Variants in HUWE1 observed in about 807,000 individuals in gnomAD.
The protein encoded by HUWE1 is E3 ubiquitin-protein ligase HUWE1.
HUWE1 carries 18 observed loss-of-function variants against 299.4 expected under a neutral mutation model. The ratio of observed to expected loss-of-function variants is 0.06; its 90% CI spans 0.04 to 0.09. The LOEUF is 0.09. Among genes scored for constraint, HUWE1 ranks in the 10% least tolerant of loss-of-function variants. The pLI, the probability that HUWE1 is intolerant of heterozygous loss-of-function variation, is 1.00. For synonymous variants in HUWE1, 1,317 were observed against 1,286.1 expected (o/e 1.02, Z -0.51); for missense variants, 1,832 against 3,462.3 (o/e 0.53, Z 11.82).
At chrX:53,543,789 G>T in intron 73 of HUWE1, 52 bp downstream of exon 73, 2 of 1,209,152 alleles carry the variant, frequency 1.7e-6, no homozygotes, top group Non-Finnish European at 2.2e-6. Context: ...TGACATGGTG[G>T]GGGGATGAGT....
chrX:53,603,181 C>T (rs1306091219), intron 27 of HUWE1, among the ~76,000 whole-genome samples, 187 bp downstream of exon 27: 1 of 111,439 alleles, frequency 9.0e-6, no homozygotes, highest in African/African-American at 3.3e-5. Context: ...TGGCTAATAA[C>T]AGGAACACAT....
At position 53,591,136 on chromosome X, in the gene HUWE1, G is replaced by C. The variant is rs781900306; in HGVS notation, c.3973-14C>G. ...CATGTCCATGAGCTACATAAAGAAT[G>C]CAAGGGCTCAGAATCACATAACGGA... On this transcript the variant is annotated splice_polypyrimidine_tract_variant and intron_variant, in intron 33 of 83. Coordinates refer to ENST00000262854, the MANE Select transcript of HUWE1 (RefSeq NM_031407.7). 5.8e-6 allele frequency: 7 copies of C among 1,207,445 alleles called. No homozygotes were observed. Among genetic ancestry groups the C allele is most frequent in the Admixed American group, 2.2e-5 (1 of 45,917 alleles).
At chrX:53,558,617 A>G (rs918751788) in intron 59 of HUWE1, 38 bp downstream of exon 59, 2 of 1,180,187 alleles carry the variant, frequency 1.7e-6, no homozygotes, top group African/African-American at 3.5e-5. Context: ...TACGGCAGAC[A>G]CAGTCAAAGA....
Position 53,569,604 on chromosome X carries a change from T to C in HUWE1, c.6524+12A>G, listed in dbSNP as rs782325559. 2 of 1,198,058 alleles carry C rather than the reference T, an allele frequency of 1.7e-6. No individual in the cohort carries two copies. The highest frequency in any genetic ancestry group is 3.5e-5 in the African/African-American group (2 of 57,041). ...TCTTGGCTATTAGCCCTGGGACAGGTATGAATCTTACCTGGCATGTTTCTC... is the reference window on the plus strand; with the variant it reads ...TCTTGGCTATTAGCCCTGGGACAGGCATGAATCTTACCTGGCATGTTTCTC... On this transcript the variant is annotated intron_variant, in intron 48 of 83. Transcript: ENST00000262854.
chrX:53,623,857 C>T (rs1557014485), intron 19 of HUWE1, among the ~76,000 whole-genome samples: 1 of 111,908 alleles, frequency 8.9e-6, no homozygotes, highest in Non-Finnish European at 1.9e-5. Flanking sequence ...ACTAGTCTCC[C>T]CAACACCCCA....
At chrX:53,539,124 C>T (rs370052119) in intron 75 of HUWE1, 44 bp from the exon 76 acceptor site, 28 of 1,162,122 alleles carry the variant, frequency 2.4e-5, no homozygotes, top group African/African-American at 1.4e-4. Flanking sequence ...ACTCTGCAAA[C>T]TTCAACATGC....
At position 53,560,355 on chromosome X, in the gene HUWE1, T is replaced by A. The variant is rs1556939833; in HGVS notation, c.7569A>T (p.Ala2523=). 1 of 1,211,791 alleles carries A rather than the reference T, an allele frequency of 8.3e-7. No individual in the cohort carries two copies. Among genetic ancestry groups the A allele is most frequent in the Admixed American group, 2.2e-5 (1 of 46,041 alleles). Residue 2523 remains alanine (A), a synonymous_variant, in exon 56 of 84, where the codon GCA becomes GCT. Transcript: ENST00000262854. Reference sequence around the variant, plus strand: ...TGCCCAGTGTCAGAGAACTGTGGTCTGCATGGCGCACCATCAGTGGATGGG... The same window carrying A: ...TGCCCAGTGTCAGAGAACTGTGGTCAGCATGGCGCACCATCAGTGGATGGG... ...PTTHPLMVRH[A]DHSSLTLGSG...
chrX:53,674,649 TTC>T (rs1557050517), intron 3 of HUWE1, among the ~76,000 whole-genome samples: 2 of 112,091 alleles, frequency 1.8e-5, no homozygotes, highest in African/African-American at 6.5e-5. Context: ...CTCTGTGACA[TTC>T]TCTGATGCCT....
At position 53,593,387 on chromosome X, in the gene HUWE1, G is replaced by GAGCCAACTT; in HGVS notation, c.3717_3718insAAGTTGGCT (p.Leu1239_Arg1240insLysLeuAla). The GAGCCAACTT allele has an allele frequency of 8.4e-7, 1 of 1,197,406 alleles. No homozygotes were observed. Among genetic ancestry groups the GAGCCAACTT allele is most frequent in the Non-Finnish European group, 1.1e-6 (1 of 882,605 alleles). On this transcript the variant is annotated inframe_insertion, in exon 32 of 84. Coordinates refer to ENST00000262854, the MANE Select transcript of HUWE1 (RefSeq NM_031407.7). ...ACTTTCTGAGTTACCACAAGGAAGC[G>GAGCCAACTT]CAGTGCACTGAACTGGGGAAAGTTC... is the stretch of plus-strand genomic sequence containing the variant.
chrX:53,536,960 G>A (rs1285690975), intron 78 of HUWE1, among the ~76,000 whole-genome samples: 13 of 112,090 alleles, frequency 1.2e-4, no homozygotes, highest in South Asian at 3.7e-4. Context: ...GAAGTGGGGA[G>A]GGGAGAAAAG....
At chrX:53,682,168 C>T (rs904333202) in intron 2 of HUWE1, among the ~76,000 whole-genome samples, 10 of 111,968 alleles carry the variant, frequency 8.9e-5, no homozygotes, top group Admixed American at 2.8e-4. Context: ...AAAAGTAATC[C>T]TAATTTATTA....
chrX:53,615,620 G>C, intron 22 of HUWE1, 124 bp downstream of exon 22: 3 of 526,568 alleles, frequency 5.7e-6, no homozygotes, highest in Non-Finnish European at 1.0e-5. Context: ...GAAACAATGA[G>C]GCAGACATAA....
Position 53,580,877 on chromosome X carries a change from G to A in HUWE1, c.5670C>T (p.Asn1890=). 1 of 1,211,813 alleles carries A rather than the reference G, an allele frequency of 8.3e-7. No homozygotes were observed. Among genetic ancestry groups the A allele is most frequent in the Middle Eastern group, 2.3e-4 (1 of 4,355 alleles). The change falls in exon 43 of 84, where the codon AAC becomes AAT. Residue 1890 remains asparagine, a synonymous_variant. Transcript: ENST00000262854. ...CAGGAAGGGCGATGCGGATACAGCA[G>A]TTGGCCACTTCTGTGAATATGTCTG... ...RNPDIFTEVA[N]CCIRIALPAP... is the part of the protein sequence containing the mutation.
At position 53,533,159 on chromosome X, in the gene HUWE1, G is replaced by A. The variant is rs1602458881; in HGVS notation, c.*150C>T. On this transcript the variant is annotated 3_prime_UTR_variant, in exon 84 of 84. Transcript: ENST00000262854. ...ATGAGAAGAGGAACAGGTATGCGCT[G>A]GGGAAGATGGGGCAGCTGGGACACA... 1 of 483,180 alleles carries A rather than the reference G, an allele frequency of 2.1e-6. No homozygotes were observed. Among genetic ancestry groups the A allele is most frequent in the South Asian group, 3.0e-5 (1 of 33,516 alleles). The allele number at this position is 483,180 out of a possible 1,213,427, so 39.8% of individuals were successfully genotyped here.
intron 3 of HUWE1, among the ~76,000 whole-genome samples, chrX:53,659,733 G>A (rs961192355): frequency 1.8e-5 from 2 of 111,886 alleles, no homozygotes; most frequent in Non-Finnish European, 1.9e-5. Context: ...ATTGTAACAA[G>A]TGTACCACTC....
At chrX:53,562,573 G>A (rs1161236364) in intron 53 of HUWE1, among the ~76,000 whole-genome samples, 1 of 111,836 alleles carries the variant, frequency 8.9e-6, no homozygotes, top group Non-Finnish European at 1.9e-5. Context: ...CTGTTGGCAA[G>A]AGGGAACCTG....
chrX:53,568,622 G>T, intron 49 of HUWE1, 70 bp downstream of exon 49: 1 of 1,047,913 alleles, frequency 9.5e-7, no homozygotes, highest in East Asian at 3.2e-5. Context: ...CACTACACCA[G>T]CTACCTCCAC....
At chrX:53,634,865 A>G (rs782624514) in intron 7 of HUWE1, among the ~76,000 whole-genome samples, 8 of 112,534 alleles carry the variant, frequency 7.1e-5, no homozygotes, top group Non-Finnish European at 1.5e-4. Flanking sequence ...AGCTCCTGAG[A>G]TAATGGGGGG....
chrX:53,634,211 AC>A, intron 8 of HUWE1, 24 bp downstream of exon 8: 1 of 1,141,507 alleles, frequency 8.8e-7, no homozygotes, highest in Non-Finnish European at 1.2e-6. Context: ...GTCAAAAGAC[AC>A]CCATATCCCA....
Sources: gnomAD v4.1 joint callset for allele counts (sites outside exome capture counted in the v4.1 genomes callset) on GRCh38, gnomAD v4.1.1 for gene constraint, MANE v1.5 for transcripts, NCBI Gene and HGNC (gene_info 2026-07-23, HGNC 2026-07-21) for gene names.